The following HEATR5A variants were observed in gnomAD, a reference collection of about 807,000 sequenced individuals.
The protein encoded by HEATR5A is HEAT repeat-containing protein 5A.
In HEATR5A, 178 loss-of-function variants were observed where a neutral mutation model predicts 218.8. The ratio of observed to expected loss-of-function variants is 0.81; its 90% CI spans 0.72 to 0.92. The LOEUF (loss-of-function observed/expected upper bound fraction) is 0.92, where lower values mean the gene tolerates loss of function less well. Ranked by LOEUF, HEATR5A falls within the 40% of genes least tolerant of loss-of-function variation. The pLI is 0.00. For missense variants in HEATR5A, 2,420 were observed against 2,418.9 expected, an observed-to-expected ratio of 1.00 and a Z score of -0.01; for synonymous variants, 864 against 871.6, an observed-to-expected ratio of 0.99 and a Z score of 0.15.
intron 32 of HEATR5A, 129 bp downstream of exon 32, chr14:31,304,776 T>C (rs1442338178): frequency 3.3e-6 from 3 of 921,642 alleles, no homozygotes; most frequent in Non-Finnish European, 5.0e-6. Flanking sequence ...TCTTAGAGGA[T>C]TAAAGACAAT....
intron 11 of HEATR5A, among the ~76,000 whole-genome samples, chr14:31,376,241 C>T (rs1211193635): frequency 1.3e-5 from 2 of 152,196 alleles, no homozygotes; most frequent in Non-Finnish European, 1.5e-5. Context: ...TAAAGCTGGG[C>T]ACAGTGGGTC....
chr14:31,362,710 C>T (rs1406564460), intron 14 of HEATR5A, among the ~76,000 whole-genome samples: 4 of 145,176 alleles, frequency 2.8e-5, no homozygotes, highest in Non-Finnish European at 4.5e-5. Context: ...CCTGGGAGGT[C>T]GAGGCTGCAG....
At chr14:31,302,984 C>T (rs1223219148) in intron 32 of HEATR5A, among the ~76,000 whole-genome samples, 6 of 146,462 alleles carry the variant, frequency 4.1e-5, no homozygotes, top group African/African-American at 1.3e-4. Context: ...TGGTGGTGTG[C>T]GCCTGTGGTC....
chr14:31,307,686 C>T (rs566398278), intron 30 of HEATR5A, among the ~76,000 whole-genome samples: 1 of 152,230 alleles, frequency 6.6e-6, no homozygotes, highest in South Asian at 2.1e-4. Flanking sequence ...GAAGCAGAGA[C>T]AGAAAAGCGG....
chr14:31,334,310 G>C (rs1392371422), intron 22 of HEATR5A: 1 of 405,268 alleles, frequency 2.5e-6, no homozygotes, highest in Non-Finnish European at 4.9e-6. Context: ...TTTTCAAGTT[G>C]TCTTATTTAA....
At chr14:31,322,284 C>A (rs555053087) in intron 24 of HEATR5A, among the ~76,000 whole-genome samples, 1 of 152,282 alleles carries the variant, frequency 6.6e-6, no homozygotes, top group South Asian at 2.1e-4. Flanking sequence ...CAGAAGAAAT[C>A]ACGTCTTAGT....
intron 4 of HEATR5A, among the ~76,000 whole-genome samples, chr14:31,396,870 T>C (rs74969170): frequency 1.7e-3 from 260 of 152,338 alleles, no homozygotes; most frequent in Non-Finnish European, 2.9e-3. Flanking sequence ...AACATTTTCA[T>C]AACTATAGAG....
At chr14:31,321,396 C>A (rs1328881145) in intron 25 of HEATR5A, 103 bp downstream of exon 25, 2 of 848,508 alleles carry the variant, frequency 2.4e-6, no homozygotes, top group Non-Finnish European at 1.7e-6. Flanking sequence ...CCCGCCTTGG[C>A]CTCCCGAAGT....
rs1249763821 is a variant in HEATR5A, at chr14:31,349,949, G to T, written c.2548C>A (p.Pro850Thr). ...AAGGCAAATCTTTTCATTTCTTCTGGACCTAAACATCCCTTGGAGCCAGCC... is the reference window on the plus strand; with the variant it reads ...AAGGCAAATCTTTTCATTTCTTCTGTACCTAAACATCCCTTGGAGCCAGCC... The part of the protein sequence containing the change: ...YVAGSKGCLG[P>T]EEMKRFALTL... The change falls in exon 18 of 36, where the codon CCA (proline) becomes ACA (threonine). Residue 850 changes from proline (P) to threonine (T), a missense_variant. Transcript: ENST00000543095. The T allele has an allele frequency of 3.8e-6, 6 of 1,597,634 alleles. No homozygotes were observed. Among genetic ancestry groups the T allele is most frequent in the Non-Finnish European group, 5.1e-6 (6 of 1,171,512 alleles).
At chr14:31,311,118 T>C (rs1899737135) in intron 28 of HEATR5A, among the ~76,000 whole-genome samples, 1 of 152,172 alleles carries the variant, frequency 6.6e-6, no homozygotes, top group African/African-American at 2.4e-5. Context: ...AGGCTCATCC[T>C]AAAATTCATA....
At chr14:31,390,724 A>T (rs368887732) in intron 6 of HEATR5A, among the ~76,000 whole-genome samples, 1 of 152,184 alleles carries the variant, frequency 6.6e-6, no homozygotes, top group Non-Finnish European at 1.5e-5. Context: ...CAACCCTACT[A>T]CACTGCCAGT....
At chr14:31,323,942 A>T in intron 23 of HEATR5A, 138 bp from the exon 24 acceptor site, 2 of 589,768 alleles carry the variant, frequency 3.4e-6, no homozygotes, top group Non-Finnish European at 5.9e-6. Flanking sequence ...TCATCTTTTT[A>T]ATAACATCAA....
chr14:31,419,999 G>GC (rs955635173), intron 1 of HEATR5A, among the ~76,000 whole-genome samples: 3 of 152,248 alleles, frequency 2.0e-5, no homozygotes, highest in African/African-American at 7.2e-5. Flanking sequence ...CGAAGGCCGG[G>GC]CCGGGGCCCG....
At chr14:31,408,550 T>G (rs933404257) in intron 1 of HEATR5A, among the ~76,000 whole-genome samples, 4 of 152,036 alleles carry the variant, frequency 2.6e-5, no homozygotes, top group Non-Finnish European at 5.9e-5. Flanking sequence ...TATGAGTAAG[T>G]TGAACTATAT....
intron 5 of HEATR5A, among the ~76,000 whole-genome samples, chr14:31,394,554 A>G (rs750806596): frequency 9.2e-5 from 14 of 152,126 alleles, no homozygotes; most frequent in Middle Eastern, 3.4e-3. Context: ...GGAGGCTCAC[A>G]CCTGTAATCC....
At chr14:31,338,649 T>C (rs960789136) in intron 21 of HEATR5A, among the ~76,000 whole-genome samples, 3 of 152,172 alleles carry the variant, frequency 2.0e-5, no homozygotes, top group African/African-American at 4.8e-5. Flanking sequence ...TAAATATGTA[T>C]ATTATGGTAG....
chr14:31,388,771 T>C, intron 7 of HEATR5A, 74 bp downstream of exon 7: 6 of 1,190,722 alleles, frequency 5.0e-6, no homozygotes, highest in Non-Finnish European at 7.5e-6. Flanking sequence ...GTACCACTTC[T>C]GTGGAGTCAG....
intron 33 of HEATR5A, among the ~76,000 whole-genome samples, chr14:31,301,746 G>T (rs1039048624): frequency 1.3e-5 from 2 of 150,742 alleles, no homozygotes; most frequent in Admixed American, 1.3e-4. Context: ...GCCAGCTTCG[G>T]CTTCCCAAAG....
intron 12 of HEATR5A, among the ~76,000 whole-genome samples, chr14:31,373,003 A>G (rs1188027019): frequency 6.6e-6 from 1 of 151,168 alleles, no homozygotes; most frequent in Non-Finnish European, 1.5e-5. Context: ...CAGTGGTGCA[A>G]CCACAACTCA....
Sources: allele counts gnomAD v4.1 joint callset (sites outside exome capture counted in the v4.1 genomes callset), GRCh38; gene constraint gnomAD v4.1.1; transcripts MANE v1.5; gene names NCBI Gene and HGNC (gene_info 2026-07-23, HGNC 2026-07-21).